Variants in TRIM35 observed in about 807,000 individuals in gnomAD.
TRIM35 encodes the protein tripartite motif containing 35, also known as E3 ubiquitin-protein ligase TRIM35.
Under a neutral mutation model 49.1 loss-of-function variants are expected in TRIM35, and 37 were observed. The observed-to-expected ratio is 0.75, with a 90% CI of 0.58 to 0.99. TRIM35 has a LOEUF of 0.99. Ranked by LOEUF, TRIM35 falls within the 50% of genes least tolerant of loss-of-function variation. The pLI, the probability that TRIM35 is intolerant of heterozygous loss-of-function variation, is 0.00. For synonymous variants in TRIM35, 302 were observed against 289.3 expected (o/e 1.04, Z -0.45); for missense variants, 648 against 702.7 (o/e 0.92, Z 0.88).
At chr8:27,310,710 T>G (rs1380224318) in intron 1 of TRIM35, 91 bp downstream of exon 1, 1 of 1,402,280 alleles carries the variant, frequency 7.1e-7, no homozygotes, top group African/African-American at 1.4e-5. Flanking sequence ...CACACTGGGC[T>G]CTGGCAGGCA....
chr8:27,308,287 T>C (rs897367026), intron 1 of TRIM35, among the ~76,000 whole-genome samples: 1 of 152,242 alleles, frequency 6.6e-6, no homozygotes, highest in African/African-American at 2.4e-5. Context: ...GCATTAAATT[T>C]GTTGACGTGT....
chr8:27,288,897 C>A (rs1802394390), intron 5 of TRIM35, among the ~76,000 whole-genome samples: 2 of 152,162 alleles, frequency 1.3e-5, no homozygotes, highest in Admixed American at 6.5e-5. Context: ...GGCAAGAAAG[C>A]CAGTTTCCCT....
intron 1 of TRIM35, among the ~76,000 whole-genome samples, chr8:27,303,237 A>C (rs749318324): frequency 2.0e-5 from 3 of 152,214 alleles, no homozygotes; most frequent in Non-Finnish European, 4.4e-5. Flanking sequence ...CAACATTTTC[A>C]TTTAACTGGA....
chr8:27,299,004 T>G (rs1248933402), intron 1 of TRIM35, among the ~76,000 whole-genome samples: 3 of 152,156 alleles, frequency 2.0e-5, no homozygotes, highest in East Asian at 1.9e-4. Flanking sequence ...TAATGTGAGG[T>G]GACTGACAAT....
rs983289294 is a variant in TRIM35, at chr8:27,311,079, C to A, written c.157G>T (p.Val53Leu). 2 of 1,596,386 alleles carry A rather than the reference C, an allele frequency of 1.3e-6. No homozygotes were observed. Among genetic ancestry groups the A allele is most frequent in the Non-Finnish European group, 1.7e-6 (2 of 1,172,536 alleles). ...GCVSRCWEVQ[V>L]SPTCPVCKDR... ...TTGCACACTGGGCAGGTGGGCGACACCTGCACCTCCCAGCAGCGGCTCACG... is the reference window on the plus strand; with the variant it reads ...TTGCACACTGGGCAGGTGGGCGACAACTGCACCTCCCAGCAGCGGCTCACG... Residue 53 changes from valine (V) to leucine (L), a missense_variant, in exon 1 of 6, where the codon GTG (valine) becomes TTG (leucine). Physicochemically the swap from Val to Leu is conservative, Grantham distance 32. Coordinates refer to ENST00000305364, the MANE Select transcript of TRIM35 (RefSeq NM_171982.5).
At chr8:27,298,374 GAGCC>G in intron 2 of TRIM35, 86 bp downstream of exon 2, 1 of 1,302,918 alleles carries the variant, frequency 7.7e-7, no homozygotes, top group South Asian at 1.2e-5. Context: ...CGGGTTATGT[GAGCC>G]AAAGCCACGG....
chr8:27,301,529 T>C (rs1393142009), intron 1 of TRIM35, among the ~76,000 whole-genome samples: 2 of 152,240 alleles, frequency 1.3e-5, no homozygotes, highest in South Asian at 2.1e-4. Flanking sequence ...CAGTAAAGTA[T>C]TGTCCATTTT....
chr8:27,302,756 T>C (rs1802705094), intron 1 of TRIM35, among the ~76,000 whole-genome samples: 1 of 152,258 alleles, frequency 6.6e-6, no homozygotes, highest in African/African-American at 2.4e-5. Context: ...TGGTTTTGCA[T>C]CTTGATTTTG....
intron 1 of TRIM35, among the ~76,000 whole-genome samples, chr8:27,305,069 G>T (rs190735785): frequency 1.3e-5 from 2 of 152,280 alleles, no homozygotes; most frequent in Admixed American, 6.5e-5. Flanking sequence ...GGATAAGAGG[G>T]ATAAAAAATA....
rs1249252927 is a variant in TRIM35 at position 27,284,986 on chromosome 8, G to T, written c.*2564C>A. 2 of 152,160 alleles carry T rather than the reference G, an allele frequency of 1.3e-5. No individual in the cohort carries two copies. Among genetic ancestry groups the T allele is most frequent in the Non-Finnish European group, 2.9e-5 (2 of 68,030 alleles). 9.4% of individuals were successfully genotyped at this position (152,160 alleles called of 1,614,324 possible). A position where few individuals can be genotyped will look rare whatever the true frequency, so the allele number is the denominator to read the frequency against. ...TCATATACCAGTTAAAGGGACTTGT[G>T]CCAGGCTATAAAAGGACTCTTACAA... On this transcript the variant is annotated 3_prime_UTR_variant, in exon 6 of 6. Transcript: ENST00000305364.
At chr8:27,308,947 C>T (rs1038899976) in intron 1 of TRIM35, among the ~76,000 whole-genome samples, 7 of 152,236 alleles carry the variant, frequency 4.6e-5, no homozygotes, top group African/African-American at 1.7e-4. Context: ...GGCTTTCCCA[C>T]TTCTGGACCC....
chr8:27,287,216 G>A lies in TRIM35; in HGVS notation c.*334C>T, dbSNP rs974427211. The stretch of plus-strand genomic sequence containing the variant: ...TCATCCAATGGCTTTACCACACCTC[G>A]ATGAGATGGTTTACAACAGGCCCAT... On this transcript the variant is annotated 3_prime_UTR_variant, in exon 6 of 6. Coordinates refer to ENST00000305364, the MANE Select transcript of TRIM35 (RefSeq NM_171982.5). The surrounding 1 kb of genome is among the most constrained non-coding windows in gnomAD (Gnocchi z 6.0). 7 of 247,188 alleles carry A rather than the reference G, an allele frequency of 2.8e-5. 1 individual carries two copies. Among genetic ancestry groups the A allele is most frequent in the Non-Finnish European group, 5.5e-5 (7 of 128,146 alleles). 15.3% of individuals were successfully genotyped at this position (247,188 alleles called of 1,614,324 possible).
Position 27,286,910 on chromosome 8 carries a change from C to G in TRIM35, c.*640G>C, listed in dbSNP as rs190210415. ...TCTCCCAGGGCTGTCACACCCCAGG[C>G]CAACATTCACCTGTCCTGACTATCC... On this transcript the variant is annotated 3_prime_UTR_variant, in exon 6 of 6. Coordinates refer to ENST00000305364, the MANE Select transcript of TRIM35 (RefSeq NM_171982.5). 1.7e-4 allele frequency: 26 copies of G among 152,722 alleles called. No individual in the cohort carries two copies. The highest frequency in any genetic ancestry group is 6.0e-4 in the African/African-American group (25 of 41,562). The allele number at this position is 152,722 out of a possible 1,614,324, so 9.5% of individuals were successfully genotyped here.
chr8:27,295,700 G>A (rs1191441341), intron 2 of TRIM35, among the ~76,000 whole-genome samples: 1 of 152,108 alleles, frequency 6.6e-6, no homozygotes, highest in African/African-American at 2.4e-5. Context: ...GGTACTCAAA[G>A]TACAGTTTCT....
At chr8:27,297,999 A>G (rs967084849) in intron 2 of TRIM35, among the ~76,000 whole-genome samples, 3 of 152,210 alleles carry the variant, frequency 2.0e-5, no homozygotes, top group African/African-American at 7.2e-5. Flanking sequence ...CAAGAATGAA[A>G]GCATGAGGCC....
At chr8:27,306,978 A>G (rs1171701231) in intron 1 of TRIM35, among the ~76,000 whole-genome samples, 2 of 152,246 alleles carry the variant, frequency 1.3e-5, no homozygotes, top group East Asian at 3.8e-4. Context: ...AGCATGAGCA[A>G]GTGCTATTTA....
intron 2 of TRIM35, 100 bp downstream of exon 2, chr8:27,298,364 C>T (rs1802612533): frequency 8.2e-6 from 9 of 1,103,608 alleles, no homozygotes; most frequent in South Asian, 1.3e-5. Context: ...CTCTACCCAG[C>T]GGGTTATGTG....
At chr8:27,305,576 A>G (rs1349674553) in intron 1 of TRIM35, among the ~76,000 whole-genome samples, 1 of 152,246 alleles carries the variant, frequency 6.6e-6, no homozygotes, top group African/African-American at 2.4e-5. Context: ...AAGACCTGGA[A>G]TGTGGCTTAA....
In TRIM35 at chr8:27,287,251, A is replaced by G. The variant is rs1435388953; in HGVS notation, c.*299T>C. The G allele has an allele frequency of 2.6e-6, 1 of 386,478 alleles. No homozygotes were observed. The highest frequency in any genetic ancestry group is 4.7e-6 in the Non-Finnish European group (1 of 212,358). 23.9% of individuals were successfully genotyped at this position (386,478 alleles called of 1,614,324 possible). A position where few individuals can be genotyped will look rare whatever the true frequency, so the allele number is the denominator to read the frequency against. On this transcript the variant is annotated 3_prime_UTR_variant, in exon 6 of 6. Transcript: ENST00000305364. This position sits in a 1 kb window ranked among gnomAD's most constrained non-coding sequence, Gnocchi z 6.0. The stretch of plus-strand genomic sequence containing the variant: ...TTTACAACAGGCCCATTCTAGAAGT[A>G]AACATTATTCCCAGAAATCCTGGAA...
Sources: gnomAD v4.1 joint callset for allele counts (sites outside exome capture counted in the v4.1 genomes callset) on GRCh38, gnomAD v4.1.1 for gene constraint, Gnocchi (gnomAD v3.1) non-coding constraint, MANE v1.5 for transcripts, NCBI Gene and HGNC (gene_info 2026-07-23, HGNC 2026-07-21) for gene names.